Variants in COL25A1 observed in about 807,000 individuals in gnomAD.
The protein encoded by COL25A1 is collagen alpha-1(XXV) chain.
COL25A1 carries 103 observed loss-of-function variants against 128.4 expected under a neutral mutation model. The observed-to-expected ratio is 0.80, with a 90% CI of 0.68 to 0.94. The LOEUF (loss-of-function observed/expected upper bound fraction) is 0.94, where lower values mean the gene tolerates loss of function less well. Ranked by LOEUF, COL25A1 falls within the 40% of genes least tolerant of loss-of-function variation. The pLI is 0.00. For missense variants in COL25A1, 745 were observed against 840.0 expected (o/e 0.89, Z 1.40); for synonymous variants, 279 against 277.2 (o/e 1.01, Z -0.06).
At chr4:109,283,552 A>G (rs530009191) in intron 3 of COL25A1, among the ~76,000 whole-genome samples, 1 of 152,192 alleles carries the variant, frequency 6.6e-6, no homozygotes, top group South Asian at 2.1e-4. Context: ...CGTGAGCCCC[A>G]TCAGCTAGCA....
At chr4:108,936,220 CT>C (rs1192037928) in intron 11 of COL25A1, among the ~76,000 whole-genome samples, 3 of 152,050 alleles carry the variant, frequency 2.0e-5, no homozygotes, top group Non-Finnish European at 4.4e-5. Flanking sequence ...TACATATGGA[CT>C]TTTTTCCGTT....
At chr4:109,281,958 CTCTT>C (rs1218688435) in intron 3 of COL25A1, among the ~76,000 whole-genome samples, 1 of 152,124 alleles carries the variant, frequency 6.6e-6, no homozygotes, top group Non-Finnish European at 1.5e-5. Context: ...ACAGTGAGTG[CTCTT>C]TCTAAGTCAC....
intron 4 of COL25A1, among the ~76,000 whole-genome samples, chr4:109,049,032 TA>T (rs535988549): frequency 4.6e-5 from 7 of 151,770 alleles, no homozygotes; most frequent in Admixed American, 1.3e-4. Flanking sequence ...CAATACTCTT[TA>T]AAAAAAATAA....
intron 3 of COL25A1, among the ~76,000 whole-genome samples, chr4:109,081,140 C>T (rs1016814984): frequency 5.3e-5 from 8 of 152,154 alleles, no homozygotes; most frequent in African/African-American, 9.7e-5. Flanking sequence ...CTGCCTCACA[C>T]GTATGAATTG....
chr4:109,044,048 T>C (rs1437146156), intron 5 of COL25A1, among the ~76,000 whole-genome samples: 1 of 152,000 alleles, frequency 6.6e-6, no homozygotes, highest in Non-Finnish European at 1.5e-5. Context: ...TATCACAAAA[T>C]TGCTCTGTTG....
chr4:108,948,454 A>G (rs895306858), intron 8 of COL25A1, among the ~76,000 whole-genome samples: 3 of 152,130 alleles, frequency 2.0e-5, no homozygotes, highest in Non-Finnish European at 4.4e-5. Flanking sequence ...ACTGGCTCAA[A>G]AAGTTACTAT....
chr4:108,952,831 C>CTT (rs59761040), intron 8 of COL25A1, among the ~76,000 whole-genome samples: 6,074 of 66,922 alleles, frequency 0.091, 156 homozygotes, highest in East Asian at 0.23. Context: ...AAAAACTCAA[C>CTT]TTTTTTTTTT....
intron 35 of COL25A1, among the ~76,000 whole-genome samples, chr4:108,822,664 A>G (rs1731920654): frequency 6.6e-6 from 1 of 152,122 alleles, no homozygotes; most frequent in Non-Finnish European, 1.5e-5. Context: ...GGCCTTAAGC[A>G]GTCCTCCCAC....
intron 3 of COL25A1, among the ~76,000 whole-genome samples, chr4:109,184,602 G>A (rs1384462406): frequency 6.6e-6 from 1 of 152,178 alleles, no homozygotes. Context: ...AAGTTCCAGG[G>A]CTGCCAGAAC....
At chr4:109,087,351 G>C (rs141042618) in intron 3 of COL25A1, among the ~76,000 whole-genome samples, 1 of 152,084 alleles carries the variant, frequency 6.6e-6, no homozygotes, top group Non-Finnish European at 1.5e-5. Context: ...AAAGGGGTCT[G>C]CACCTAAAAC....
At chr4:109,300,814 A>C (rs539050134) in intron 2 of COL25A1, among the ~76,000 whole-genome samples, 162 bp from the exon 3 acceptor site, 1 of 152,324 alleles carries the variant, frequency 6.6e-6, no homozygotes, top group Admixed American at 6.5e-5. Context: ...ACCATGCCTA[A>C]GTCCTAAAAA....
At chr4:109,270,429 GACAA>G (rs1222417862) in intron 3 of COL25A1, among the ~76,000 whole-genome samples, 1 of 152,250 alleles carries the variant, frequency 6.6e-6, no homozygotes, top group Non-Finnish European at 1.5e-5. Context: ...ACCAACAGCA[GACAA>G]ACAGAGAGCC....
intron 20 of COL25A1, among the ~76,000 whole-genome samples, chr4:108,864,035 T>C (rs1393792645): frequency 1.3e-5 from 2 of 152,152 alleles, no homozygotes; most frequent in African/African-American, 4.8e-5. Flanking sequence ...TATGAGCCAA[T>C]TCCCCTCATA....
intron 8 of COL25A1, among the ~76,000 whole-genome samples, chr4:108,968,952 T>C (rs1341107980): frequency 1.3e-5 from 2 of 152,170 alleles, no homozygotes; most frequent in Non-Finnish European, 2.9e-5. Context: ...AAGACTGGTC[T>C]TGAATTTTCA....
At chr4:108,923,381 T>C (rs1332088224) in intron 11 of COL25A1, among the ~76,000 whole-genome samples, 1 of 152,200 alleles carries the variant, frequency 6.6e-6, no homozygotes, top group African/African-American at 2.4e-5. Flanking sequence ...GGTCTCACTC[T>C]GTTGCCCAGG....
Position 109,005,745 on chromosome 4 carries a change from A to G in COL25A1, c.438+4613T>C, listed in dbSNP as rs543756309. Among the ~76,000 whole-genome samples the G allele has an allele frequency of 8.5e-5, 13 of 152,276 alleles. No homozygotes were observed. In the South Asian group the frequency reaches 2.5e-3, roughly 29 times the overall value. ...GGCTAAGGGAGAATTTGTTTGTAGAAACCTTGCACAGATGACAAGCTGTCT... is the reference window on the plus strand; with the variant it reads ...GGCTAAGGGAGAATTTGTTTGTAGAGACCTTGCACAGATGACAAGCTGTCT... On this transcript the variant is annotated intron_variant, in intron 6 of 37. Coordinates refer to ENST00000399132, the MANE Select transcript of COL25A1 (RefSeq NM_198721.4).
intron 18 of COL25A1, among the ~76,000 whole-genome samples, chr4:108,885,805 C>G (rs2125837641): frequency 6.6e-6 from 1 of 152,210 alleles, no homozygotes; most frequent in African/African-American, 2.4e-5. Context: ...AAAAGTCCCC[C>G]CAAACTCATT....
chr4:109,098,438 T>C lies in COL25A1; in HGVS notation c.368-48259A>G, dbSNP rs555904579. ...TAATCAAGGAGACCCATAATCCATG[T>C]AGATGTAAGACTTTGGATAAGATAA... On this transcript the variant is annotated intron_variant, in intron 3 of 37. Transcript: ENST00000399132. Among the ~76,000 whole-genome samples the C allele has an allele frequency of 7.9e-5, 12 of 152,344 alleles. No individual in the cohort carries two copies. In the East Asian group the frequency reaches 1.7e-3, roughly 22 times the overall value.
At position 109,142,222 on chromosome 4, in the gene COL25A1, T is replaced by G. The variant is rs11946438; in HGVS notation, c.368-92043A>C. ...TCAGGAGCAGGTTGTTCAGTTTCCA[T>G]GTAGTTGTGCAGTTTTGAGTGAGTT... is the stretch of plus-strand genomic sequence containing the variant. On this transcript the variant is annotated intron_variant, in intron 3 of 37. Coordinates refer to ENST00000399132, the MANE Select transcript of COL25A1 (RefSeq NM_198721.4). Among the ~76,000 whole-genome samples the G allele has an allele frequency of 7.6e-3, 1,157 of 152,314 alleles. 14 individuals carry two copies. The highest frequency in any genetic ancestry group is 0.026 in the African/African-American group (1,095 of 41,558).
Sources: allele counts gnomAD v4.1 joint callset (sites outside exome capture counted in the v4.1 genomes callset), GRCh38; gene constraint gnomAD v4.1.1; transcripts MANE v1.5; gene names NCBI Gene and HGNC (gene_info 2026-07-23, HGNC 2026-07-21).